The following SLC1A3 variants were observed in gnomAD, a reference collection of about 807,000 sequenced individuals.
The protein encoded by SLC1A3 is solute carrier family 1 member 3, also known as excitatory amino acid transporter 1.
A neutral mutation model predicts 48.1 loss-of-function variants in SLC1A3; 21 were observed. That is an observed-to-expected ratio of 0.44 (90% CI 0.31 to 0.63). SLC1A3 has a LOEUF of 0.63. SLC1A3 is among the 20% of genes least tolerant of loss of function. The pLI, the probability that SLC1A3 is intolerant of heterozygous loss-of-function variation, is 0.08. For missense variants in SLC1A3, 546 were observed against 689.0 expected (o/e 0.79, Z 2.32); for synonymous variants, 239 against 251.4 (o/e 0.95, Z 0.47).
intron 9 of SLC1A3, 138 bp downstream of exon 9, chr5:36,684,136 A>C: frequency 9.0e-7 from 1 of 1,111,126 alleles, no homozygotes; most frequent in Non-Finnish European, 1.4e-6. Flanking sequence ...AATTGTCCTT[A>C]TTGTCTGACC....
intron 3 of SLC1A3, among the ~76,000 whole-genome samples, chr5:36,655,785 C>T (rs990709275): frequency 2.0e-5 from 3 of 152,146 alleles, no homozygotes; most frequent in East Asian, 1.9e-4. Context: ...TGGAGGGCCC[C>T]GGCCAGTTTT....
chr5:36,612,699 CACA>C (rs764391755), intron 2 of SLC1A3: 2 of 425,832 alleles, frequency 4.7e-6, no homozygotes, highest in Non-Finnish European at 9.4e-6. Context: ...ATTTAATTCT[CACA>C]ACAACCCAGA....
At chr5:36,682,902 A>G (rs1561286562) in intron 8 of SLC1A3, among the ~76,000 whole-genome samples, 1 of 152,260 alleles carries the variant, frequency 6.6e-6, no homozygotes, top group Admixed American at 6.5e-5. Context: ...GGGACCATGA[A>G]TACTTTCTGT....
At chr5:36,635,791 A>T (rs930635200) in intron 3 of SLC1A3, among the ~76,000 whole-genome samples, 3 of 152,150 alleles carry the variant, frequency 2.0e-5, no homozygotes, top group African/African-American at 7.2e-5. Context: ...CTGAGTCTCC[A>T]TCTTAACACT....
chr5:36,660,223 C>A (rs931732302), intron 3 of SLC1A3, among the ~76,000 whole-genome samples: 2 of 152,156 alleles, frequency 1.3e-5, no homozygotes, highest in Non-Finnish European at 2.9e-5. Context: ...CCGTCTCATG[C>A]AACTCAAGTC....
chr5:36,665,009 C>G (rs967961698), intron 3 of SLC1A3, among the ~76,000 whole-genome samples: 4 of 151,068 alleles, frequency 2.6e-5, no homozygotes, highest in Non-Finnish European at 5.9e-5. Context: ...ATTCCCAGCT[C>G]TGGAAATGAA....
intron 1 of SLC1A3, among the ~76,000 whole-genome samples, chr5:36,597,493 C>T (rs745332177): frequency 3.3e-5 from 5 of 151,992 alleles, no homozygotes; most frequent in Non-Finnish European, 7.4e-5. Context: ...CTGCCAGCCT[C>T]GGCCTCCCAA....
In SLC1A3 at chr5:36,639,837, C is replaced by T. The variant is rs141289444; in HGVS notation, c.319+10250C>T. Among the ~76,000 whole-genome samples the T allele has an allele frequency of 5.4e-3, 830 of 152,310 alleles. 14 individuals carry two copies. Among genetic ancestry groups the T allele is most frequent in the African/African-American group, 0.019 (793 of 41,564 alleles). Reference sequence around the variant, plus strand: ...AACATGAAAGTACGCTGCGCATGCACGCACGCACACACACTCACAAACATG... The same window carrying T: ...AACATGAAAGTACGCTGCGCATGCATGCACGCACACACACTCACAAACATG... On this transcript the variant is annotated intron_variant, in intron 3 of 9. Coordinates refer to ENST00000265113, the MANE Select transcript of SLC1A3 (RefSeq NM_004172.5).
chr5:36,606,077 A>T (rs980382824), upstream of SLC1A3, among the ~76,000 whole-genome samples: 1 of 152,254 alleles, frequency 6.6e-6, no homozygotes, highest in Admixed American at 6.5e-5. Flanking sequence ...GCTGAAATAG[A>T]GGCATGTCCC....
chr5:36,658,334 C>T lies in SLC1A3; in HGVS notation c.320-12695C>T, dbSNP rs569289166. Among the ~76,000 whole-genome samples the T allele has an allele frequency of 2.6e-5, 4 of 151,880 alleles. No homozygotes were observed. In the South Asian group the frequency reaches 6.2e-4, roughly 24 times the overall value. On this transcript the variant is annotated intron_variant, in intron 3 of 9. Coordinates refer to ENST00000265113, the MANE Select transcript of SLC1A3 (RefSeq NM_004172.5). Reference sequence around the variant, plus strand: ...TGCCTGGCAGAATAGGGTAGGCCTGCGTAGGAAATGAAGCTGAAAAAAGAA... The same window carrying T: ...TGCCTGGCAGAATAGGGTAGGCCTGTGTAGGAAATGAAGCTGAAAAAAGAA...
At chr5:36,685,549 T>C (rs1439976108) in intron 9 of SLC1A3, among the ~76,000 whole-genome samples, 4 of 152,210 alleles carry the variant, frequency 2.6e-5, no homozygotes, top group Non-Finnish European at 5.9e-5. Context: ...GTGCTGAGAT[T>C]ACAGGTGTGA....
chr5:36,661,644 C>T (rs1355857918), intron 3 of SLC1A3, among the ~76,000 whole-genome samples: 2 of 152,226 alleles, frequency 1.3e-5, no homozygotes, highest in Non-Finnish European at 2.9e-5. Context: ...TGCTTCCCAG[C>T]CTCATGACTG....
chr5:36,664,409 A>G (rs1162810699), intron 3 of SLC1A3, among the ~76,000 whole-genome samples: 2 of 133,388 alleles, frequency 1.5e-5, no homozygotes, highest in African/African-American at 2.6e-5. Context: ...CTGGAATTAC[A>G]GGTTTGAGCC....
intron 3 of SLC1A3, among the ~76,000 whole-genome samples, chr5:36,657,569 T>A (rs1741331546): frequency 6.6e-6 from 1 of 152,198 alleles, no homozygotes. Flanking sequence ...ATCTACATAG[T>A]GTTTTCATAC....
intron 3 of SLC1A3, among the ~76,000 whole-genome samples, chr5:36,662,260 T>G (rs1184617313): frequency 1.3e-5 from 2 of 152,204 alleles, no homozygotes; most frequent in African/African-American, 4.8e-5. Context: ...GATAGAGGTT[T>G]CTTTCCAAAC....
At position 36,684,259 on chromosome 5, in the gene SLC1A3, T is replaced by C. The variant is rs114896660; in HGVS notation, c.1424+261T>C. 3.8e-3 allele frequency among the ~76,000 whole-genome samples: 584 copies of C among 152,354 alleles called. 4 individuals are homozygous for C. Among genetic ancestry groups the C allele is most frequent in the African/African-American group, 0.013 (560 of 41,586 alleles). The stretch of plus-strand genomic sequence containing the variant: ...CTCACTCCATAAAGCCATTCAGGAA[T>C]TGGGAAACCCGCTGTCTGCAAAGGC... On this transcript the variant is annotated intron_variant, in intron 9 of 9. Coordinates refer to ENST00000265113, the MANE Select transcript of SLC1A3 (RefSeq NM_004172.5).
intron 3 of SLC1A3, among the ~76,000 whole-genome samples, chr5:36,651,145 A>G (rs1440478988): frequency 4.9e-5 from 1 of 20,560 alleles, no homozygotes; most frequent in African/African-American, 7.2e-5. Flanking sequence ...TTTTTTTAAA[A>G]AAAAAAAAAA....
At chr5:36,625,331 G>T (rs1739860045) in intron 2 of SLC1A3, among the ~76,000 whole-genome samples, 1 of 152,190 alleles carries the variant, frequency 6.6e-6, no homozygotes, top group Non-Finnish European at 1.5e-5. Flanking sequence ...GTTGGTTCAT[G>T]CCTGTAATCA....
intron 3 of SLC1A3, among the ~76,000 whole-genome samples, chr5:36,661,078 T>G (rs1741491268): frequency 6.6e-6 from 1 of 152,238 alleles, no homozygotes; most frequent in Admixed American, 6.5e-5. Context: ...TTTTTAAATG[T>G]ATTTTCTTAT....
Sources: gnomAD v4.1 joint callset for allele counts (sites outside exome capture counted in the v4.1 genomes callset) on GRCh38, gnomAD v4.1.1 for gene constraint, MANE v1.5 for transcripts, NCBI Gene and HGNC (gene_info 2026-07-23, HGNC 2026-07-21) for gene names.